Variants in LSAMP observed in about 807,000 individuals in gnomAD.
The protein encoded by LSAMP is limbic system-associated membrane protein.
A neutral mutation model predicts 38.6 loss-of-function variants in LSAMP; 7 were observed. The observed-to-expected ratio is 0.18, with a 90% CI of 0.10 to 0.34. The LOEUF (loss-of-function observed/expected upper bound fraction) is 0.34. LSAMP is among the 10% of genes least tolerant of loss of function. The probability of loss-of-function intolerance (pLI) is 1.00; values close to 1 mark genes in which losing one functional copy is unlikely to be tolerated. For synonymous variants in LSAMP, 154 were observed against 166.8 expected (o/e 0.92, Z 0.59); for missense variants, 313 against 420.0 (o/e 0.75, Z 2.23).
At chr3:115,995,189 T>C (rs1371746315) in intron 3 of LSAMP, among the ~76,000 whole-genome samples, 1 of 152,114 alleles carries the variant, frequency 6.6e-6, no homozygotes, top group Non-Finnish European at 1.5e-5. Context: ...CCAGAGGCCA[T>C]CCACTTTCTG....
chr3:116,122,202 G>A (rs1179265559), intron 1 of LSAMP, among the ~76,000 whole-genome samples: 1 of 152,164 alleles, frequency 6.6e-6, no homozygotes, highest in African/African-American at 2.4e-5. Flanking sequence ...TATTTAATAA[G>A]CTGGTAAAAT....
chr3:115,923,080 G>C (rs553334456), intron 3 of LSAMP, among the ~76,000 whole-genome samples: 2 of 152,280 alleles, frequency 1.3e-5, no homozygotes, highest in African/African-American at 4.8e-5. Flanking sequence ...CTCAAATTGT[G>C]TTCTCTTTCC....
intron 1 of LSAMP, among the ~76,000 whole-genome samples, chr3:116,298,989 A>T (rs542852890): frequency 6.6e-6 from 1 of 152,204 alleles, no homozygotes; most frequent in Non-Finnish European, 1.5e-5. Context: ...AAGAGAATGG[A>T]ACCAAAATTT....
intron 1 of LSAMP, among the ~76,000 whole-genome samples, chr3:116,372,162 T>A (rs1393651168): frequency 6.6e-6 from 1 of 152,048 alleles, no homozygotes; most frequent in East Asian, 1.9e-4. Flanking sequence ...TTTGCAGGAC[T>A]TCAAAACTTA....
chr3:116,120,976 T>G (rs1708862440), intron 1 of LSAMP, among the ~76,000 whole-genome samples: 1 of 152,112 alleles, frequency 6.6e-6, no homozygotes, highest in African/African-American at 2.4e-5. Context: ...CAATTTCAGG[T>G]GGATGACAAA....
intron 2 of LSAMP, among the ~76,000 whole-genome samples, chr3:116,057,075 G>A (rs1411872969): frequency 6.6e-6 from 1 of 152,126 alleles, no homozygotes; most frequent in East Asian, 1.9e-4. Context: ...GGCAACTGCT[G>A]TGACCTCTTC....
chr3:116,061,680 T>A (rs373618827), intron 2 of LSAMP, among the ~76,000 whole-genome samples: 8 of 152,230 alleles, frequency 5.3e-5, no homozygotes, highest in African/African-American at 1.9e-4. Context: ...ATTGTGGATT[T>A]TTGTTTATCT....
intron 3 of LSAMP, among the ~76,000 whole-genome samples, chr3:115,884,784 T>G (rs1475996840): frequency 6.6e-6 from 1 of 151,884 alleles, no homozygotes; most frequent in Non-Finnish European, 1.5e-5. Context: ...ACATATTCAC[T>G]AACAAGATGG....
chr3:116,347,271 G>A (rs1259392649), intron 1 of LSAMP, among the ~76,000 whole-genome samples: 1 of 152,148 alleles, frequency 6.6e-6, no homozygotes, highest in Admixed American at 6.5e-5. Flanking sequence ...TGTGCATACA[G>A]AACTTGCTTC....
At chr3:116,111,010 C>A (rs1479282284) in intron 1 of LSAMP, among the ~76,000 whole-genome samples, 1 of 151,608 alleles carries the variant, frequency 6.6e-6, no homozygotes, top group Non-Finnish European at 1.5e-5. Flanking sequence ...ACAAGGTGCT[C>A]AGTGGGGGAG....
intron 1 of LSAMP, among the ~76,000 whole-genome samples, chr3:116,094,261 T>C (rs893166284): frequency 5.3e-5 from 8 of 152,224 alleles, no homozygotes; most frequent in Non-Finnish European, 1.0e-4. Flanking sequence ...AGGAGCCCTG[T>C]TAGCCTTTGC....
chr3:115,936,178 T>C lies in LSAMP; in HGVS notation c.514+83337A>G, dbSNP rs1179761837. ...TCTTTCAGTGTTTTCCTACTTAAAG[T>C]ATCTCAGGTTTGCTTTAGCGAGTCA... On this transcript the variant is annotated intron_variant, in intron 3 of 6. Transcript: ENST00000490035. Among the ~76,000 whole-genome samples the C allele has an allele frequency of 3.3e-5, 5 of 152,238 alleles. No individual in the cohort carries two copies. In the East Asian group the frequency reaches 7.7e-4, roughly 23 times the overall value.
chr3:115,949,622 G>A (rs1038610352), intron 3 of LSAMP, among the ~76,000 whole-genome samples: 1 of 151,990 alleles, frequency 6.6e-6, no homozygotes, highest in Admixed American at 6.6e-5. Flanking sequence ...TCCAGGACCA[G>A]AGAGATTCAC....
intron 2 of LSAMP, among the ~76,000 whole-genome samples, chr3:116,022,174 T>C (rs1940657354): frequency 6.6e-6 from 1 of 152,166 alleles, no homozygotes; most frequent in African/African-American, 2.4e-5. Context: ...CCCATAAGCA[T>C]GTACATATGA....
chr3:116,417,789 G>A lies in LSAMP; in HGVS notation c.155+27088C>T, dbSNP rs533310591. Among the ~76,000 whole-genome samples the A allele has an allele frequency of 7.9e-5, 12 of 152,106 alleles. No individual in the cohort carries two copies. In the East Asian group the frequency reaches 2.1e-3, roughly 27 times the overall value. Reference sequence around the variant, plus strand: ...ATAAATAAATGATGACAAGAGGACAGTATAACACTTTTGTGTATCTTTGAG... The same window carrying A: ...ATAAATAAATGATGACAAGAGGACAATATAACACTTTTGTGTATCTTTGAG... On this transcript the variant is annotated intron_variant, in intron 1 of 6. Transcript: ENST00000490035.
intron 6 of LSAMP, among the ~76,000 whole-genome samples, chr3:115,813,883 T>A (rs1384290372): frequency 6.6e-6 from 1 of 152,226 alleles, no homozygotes; most frequent in Non-Finnish European, 1.5e-5. Context: ...GCTCAGCAAG[T>A]GCTTTCATAT....
intron 1 of LSAMP, among the ~76,000 whole-genome samples, chr3:116,129,429 T>C (rs1282947737): frequency 6.6e-6 from 1 of 152,164 alleles, no homozygotes; most frequent in African/African-American, 2.4e-5. Context: ...CTTGGGTAAA[T>C]AGCATCCCCC....
At chr3:116,339,681 C>G (rs2047967244) in intron 1 of LSAMP, among the ~76,000 whole-genome samples, 1 of 151,950 alleles carries the variant, frequency 6.6e-6, no homozygotes, top group South Asian at 2.1e-4. Context: ...CTGATTTTCT[C>G]AAAATACTTT....
intron 4 of LSAMP, among the ~76,000 whole-genome samples, chr3:115,849,129 G>A (rs3772968): frequency 0.097 from 14,700 of 152,194 alleles, 1,045 homozygotes; most frequent in Admixed American, 0.25. Context: ...GATACAGAAA[G>A]CTGAAAGTCC....
Sources: gnomAD v4.1 joint callset for allele counts (sites outside exome capture counted in the v4.1 genomes callset) on GRCh38, gnomAD v4.1.1 for gene constraint, MANE v1.5 for transcripts, NCBI Gene and HGNC (gene_info 2026-07-23, HGNC 2026-07-21) for gene names.